VPS26B: variants seen among roughly 807,000 people sequenced by gnomAD.
VPS26B encodes the protein vacuolar protein sorting-associated protein 26B.
Under a neutral mutation model 33.3 loss-of-function variants are expected in VPS26B, and 10 were observed. That is an observed-to-expected ratio of 0.30 (90% CI 0.19 to 0.51). The LOEUF is 0.51. Ranked by LOEUF, VPS26B falls within the 20% of genes least tolerant of loss-of-function variation. VPS26B has a pLI of 0.98. For missense variants in VPS26B, 317 were observed against 452.7 expected, an observed-to-expected ratio of 0.70 and a Z score of 2.72; for synonymous variants, 190 against 176.9, an observed-to-expected ratio of 1.07 and a Z score of -0.59.
intron 2 of VPS26B, among the ~76,000 whole-genome samples, chr11:134,237,424 T>G (rs1938649089): frequency 6.6e-6 from 1 of 152,076 alleles, no homozygotes; most frequent in Admixed American, 6.5e-5. Context: ...GGAGATAAGG[T>G]GATTCATCCA....
intron 1 of VPS26B, among the ~76,000 whole-genome samples, chr11:134,231,665 A>G (rs1938557178): frequency 6.6e-6 from 1 of 152,094 alleles, no homozygotes; most frequent in African/African-American, 2.4e-5. Flanking sequence ...CCCGGATTCA[A>G]GCAATTCTCC....
intron 1 of VPS26B, among the ~76,000 whole-genome samples, chr11:134,227,596 G>T (rs760092643): frequency 6.6e-6 from 1 of 152,156 alleles, no homozygotes; most frequent in Non-Finnish European, 1.5e-5. Context: ...CATCATCCCT[G>T]CTGAATTTTC....
chr11:134,240,304 G>A lies in VPS26B; in HGVS notation c.545+149G>A. 1 of 850,744 alleles carries A rather than the reference G, an allele frequency of 1.2e-6. No individual in the cohort carries two copies. The highest frequency in any genetic ancestry group is 2.6e-5 in the East Asian group (1 of 38,620). The allele number at this position is 850,744 out of a possible 1,614,324, so 52.7% of individuals were successfully genotyped here. On this transcript the variant is annotated intron_variant, in intron 3 of 5. Transcript: ENST00000281187. This position sits in a 1 kb window ranked among gnomAD's most constrained non-coding sequence, Gnocchi z 4.4. ...AGACCGTGGGAGCAATCCAGTGAGT[G>A]TCTATGGCAGGCCAGCTGCAGCTGG... is the stretch of plus-strand genomic sequence containing the variant.
rs369081441 is a variant in VPS26B at position 134,234,843 on chromosome 11, C to T, written c.224-54C>T. 5.6e-5 allele frequency: 89 copies of T among 1,585,986 alleles called. No individual in the cohort carries two copies. The East Asian group carries it at 7.9e-4, about 14-fold the overall frequency. On this transcript the variant is annotated intron_variant, in intron 1 of 5. Coordinates refer to ENST00000281187, the MANE Select transcript of VPS26B (RefSeq NM_052875.5). ...ACAGCCTCCAGCCCCCTACTCGGCC[C>T]GGTGTAGCTCAGGGTCTGATAAAGG...
chr11:134,226,666 A>G (rs1280019044), intron 1 of VPS26B, among the ~76,000 whole-genome samples: 1 of 152,162 alleles, frequency 6.6e-6, no homozygotes, highest in African/African-American at 2.4e-5. Flanking sequence ...CTGCATACAT[A>G]ACTCTGTTTT....
intron 2 of VPS26B, among the ~76,000 whole-genome samples, chr11:134,236,983 TAAAAG>T (rs1401319615): frequency 1.3e-5 from 2 of 152,236 alleles, no homozygotes; most frequent in African/African-American, 4.8e-5. Flanking sequence ...TTTGCCACAA[TAAAAG>T]AAAAGTGTTA....
At position 134,240,429 on chromosome 11, in the gene VPS26B, T is replaced by A. The variant is rs544286177; in HGVS notation, c.545+274T>A. ...ATCCTATGATGCCTCTCAGTCAAGC[T>A]AAACTAACTTGAGGTTATTTGTTTT... On this transcript the variant is annotated intron_variant, in intron 3 of 5. Transcript: ENST00000281187. The surrounding 1 kb of genome is among the most constrained non-coding windows in gnomAD (Gnocchi z 4.4). Among the ~76,000 whole-genome samples the A allele has an allele frequency of 2.2e-4, 34 of 152,364 alleles. No homozygotes were observed. The South Asian group carries it at 7.0e-3, about 32-fold the overall frequency.
chr11:134,241,734 T>C (rs992002138), intron 3 of VPS26B, among the ~76,000 whole-genome samples: 54 of 152,360 alleles, frequency 3.5e-4, no homozygotes, highest in African/African-American at 1.2e-3. Context: ...CGGGACACTT[T>C]CAGACCACAC....
Position 134,243,110 on chromosome 11 carries a change from G to C in VPS26B, c.546-9G>C, listed in dbSNP as rs1362012098. The C allele has an allele frequency of 6.2e-7, 1 of 1,613,916 alleles. No individual in the cohort carries two copies. Among genetic ancestry groups the C allele is most frequent in the African/African-American group, 1.3e-5 (1 of 74,926 alleles). ...CAACATCTTACTTTCTGTACTTTCT[G>C]TTCCCCAGATACCACTTGAAAGATG... On this transcript the variant is annotated splice_polypyrimidine_tract_variant and intron_variant, in intron 3 of 5. Transcript: ENST00000281187.
intron 1 of VPS26B, among the ~76,000 whole-genome samples, chr11:134,232,235 A>G (rs1938566257): frequency 1.0e-5 from 1 of 98,976 alleles, no homozygotes; most frequent in African/African-American, 2.9e-5. Flanking sequence ...TTGGGACGGA[A>G]TAGAGGCTAT....
chr11:134,239,805 C>G (rs1014307369), intron 2 of VPS26B, 186 bp from the exon 3 acceptor site: 3 of 637,140 alleles, frequency 4.7e-6, no homozygotes, highest in Non-Finnish European at 8.2e-6. Context: ...TTGAAAAGGT[C>G]TCTGTATAGG....
chr11:134,224,963 C>T lies in VPS26B; in HGVS notation c.-160C>T, dbSNP rs1938408931. ...CCCCTCCCCCGTGGAGCCGGCTGTCCGTCGGCGCCCACTGCCCGGCGGCAG... is the reference window on the plus strand; with the variant it reads ...CCCCTCCCCCGTGGAGCCGGCTGTCTGTCGGCGCCCACTGCCCGGCGGCAG... On this transcript the variant is annotated 5_prime_UTR_variant, in exon 1 of 6. Coordinates refer to ENST00000281187, the MANE Select transcript of VPS26B (RefSeq NM_052875.5). 6.7e-6 allele frequency: 3 copies of T among 449,486 alleles called. No homozygotes were observed. The highest frequency in any genetic ancestry group is 5.1e-5 in the Admixed American group (1 of 19,616). The allele number at this position is 449,486 out of a possible 1,614,324, so 27.8% of individuals were successfully genotyped here.
At chr11:134,239,674 A>C in intron 2 of VPS26B, 1 of 370,480 alleles carries the variant, frequency 2.7e-6, no homozygotes, top group Non-Finnish European at 5.1e-6. Flanking sequence ...CCCAAGAATA[A>C]CATGTGATTG....
chr11:134,232,051 C>T (rs1938562572), intron 1 of VPS26B, among the ~76,000 whole-genome samples: 1 of 152,210 alleles, frequency 6.6e-6, no homozygotes, highest in Non-Finnish European at 1.5e-5. Context: ...CAAGTTTCAC[C>T]ATGAAAACAT....
Position 134,245,711 on chromosome 11 carries a change from C to G in VPS26B, c.*121C>G, listed in dbSNP as rs971335368. On this transcript the variant is annotated 3_prime_UTR_variant, in exon 6 of 6. Coordinates refer to ENST00000281187, the MANE Select transcript of VPS26B (RefSeq NM_052875.5). The surrounding 1 kb of genome is among the most constrained non-coding windows in gnomAD (Gnocchi z 4.7). ...TGACCCGTTACTTGCAACCTGAAAA[C>G]AAATCATGTTTTTGACTTAAATTCT... The G allele has an allele frequency of 3.9e-6, 5 of 1,291,604 alleles. No individual in the cohort carries two copies. Among genetic ancestry groups the G allele is most frequent in the East Asian group, 2.6e-5 (1 of 39,186 alleles). The allele number at this position is 1,291,604 out of a possible 1,614,324, so 80.0% of individuals were successfully genotyped here. A position where few individuals can be genotyped will look rare whatever the true frequency, so the allele number is the denominator to read the frequency against.
rs776450098 is a variant in VPS26B at position 134,245,474 on chromosome 11, G to T, written c.895G>T (p.Val299Leu). The T allele has an allele frequency of 6.2e-7, 1 of 1,613,958 alleles. No homozygotes were observed. The highest frequency in any genetic ancestry group is 8.5e-7 in the Non-Finnish European group (1 of 1,179,884). ...EVVLWRKGDI[V>L]RKSMSHQAAI... The stretch of plus-strand genomic sequence containing the variant: ...GGTGTTGTGGCGGAAGGGTGACATC[G>T]TACGGAAGAGCATGTCCCACCAGGC... Residue 299 changes from valine to leucine, a missense_variant, in exon 6 of 6, where the codon GTA (valine) becomes TTA (leucine). Coordinates refer to ENST00000281187, the MANE Select transcript of VPS26B (RefSeq NM_052875.5). This position sits in a 1 kb window ranked among gnomAD's most constrained non-coding sequence, Gnocchi z 4.7.
At chr11:134,234,814 G>A (rs947669729) in intron 1 of VPS26B, 83 bp from the exon 2 acceptor site, 4 of 1,538,510 alleles carry the variant, frequency 2.6e-6, no homozygotes, top group Non-Finnish European at 3.5e-6. Context: ...AGTCCCTCCA[G>A]CCTACAGCCT....
At chr11:134,235,130 T>C in intron 2 of VPS26B, 77 bp downstream of exon 2, 1 of 1,520,208 alleles carries the variant, frequency 6.6e-7, no homozygotes, top group Non-Finnish European at 8.9e-7. Flanking sequence ...CCGTCCCCAC[T>C]TTGAGAATCT....
intron 3 of VPS26B, among the ~76,000 whole-genome samples, chr11:134,241,019 G>A (rs1399704419): frequency 6.6e-6 from 1 of 152,156 alleles, no homozygotes; most frequent in East Asian, 1.9e-4. Context: ...CTTTTAAACT[G>A]TGTTTACTGT....
Sources: gnomAD v4.1 joint callset for allele counts (sites outside exome capture counted in the v4.1 genomes callset) on GRCh38, gnomAD v4.1.1 for gene constraint, Gnocchi (gnomAD v3.1) non-coding constraint, MANE v1.5 for transcripts, NCBI Gene and HGNC (gene_info 2026-07-23, HGNC 2026-07-21) for gene names.